COL4A2: variants seen among roughly 807,000 people sequenced by gnomAD.
COL4A2 encodes the protein collagen alpha-2(IV) chain.
A neutral mutation model predicts 200.2 loss-of-function variants in COL4A2; 99 were observed. That is an observed-to-expected ratio of 0.49 (90% CI 0.42 to 0.58). The LOEUF is 0.58. COL4A2 is among the 20% of genes least tolerant of loss of function. COL4A2 has a pLI of 0.00. For synonymous variants in COL4A2, 897 were observed against 900.6 expected, an observed-to-expected ratio of 1.00 and a Z score of 0.07; for missense variants, 1,950 against 2,314.1, an observed-to-expected ratio of 0.84 and a Z score of 3.23.
chr13:110,386,435 C>T (rs534652667), intron 4 of COL4A2, among the ~76,000 whole-genome samples: 2 of 152,144 alleles, frequency 1.3e-5, no homozygotes, highest in Non-Finnish European at 1.5e-5. Flanking sequence ...GATCACCAAC[C>T]CCACTCCAAT....
chr13:110,347,539 A>T (rs1387953129), intron 3 of COL4A2, among the ~76,000 whole-genome samples: 1 of 152,268 alleles, frequency 6.6e-6, no homozygotes, highest in South Asian at 2.1e-4. Context: ...AGCAGTTCCT[A>T]CCTGGGGCCC....
At chr13:110,462,237 G>A in intron 23 of COL4A2, 41 bp from the exon 24 acceptor site, 1 of 1,614,266 alleles carries the variant, frequency 6.2e-7, no homozygotes, top group Non-Finnish European at 8.5e-7. Flanking sequence ...CCTTCCTGTG[G>A]GCACCTGCCT....
At chr13:110,474,726 C>CGT in intron 29 of COL4A2, among the ~76,000 whole-genome samples, 1 of 140,862 alleles carries the variant, frequency 7.1e-6, no homozygotes, top group African/African-American at 2.7e-5. Context: ...ATCACACACG[C>CGT]ACGTACCCAC....
intron 3 of COL4A2, among the ~76,000 whole-genome samples, chr13:110,330,094 A>G (rs1463052453): frequency 6.6e-6 from 1 of 152,220 alleles, no homozygotes; most frequent in East Asian, 1.9e-4. Context: ...TTTTCTAATG[A>G]AATTAGACGG....
chr13:110,456,706 A>T, intron 20 of COL4A2: 1 of 467,134 alleles, frequency 2.1e-6, no homozygotes, highest in South Asian at 1.6e-5. Flanking sequence ...TGGGTGGGAC[A>T]CCAGGCGTCT....
chr13:110,329,848 C>A (rs141765488), intron 3 of COL4A2, among the ~76,000 whole-genome samples: 1 of 152,126 alleles, frequency 6.6e-6, no homozygotes, highest in Non-Finnish European at 1.5e-5. Context: ...GAGAGAAAAA[C>A]GCCCAGTGAT....
At chr13:110,430,753 C>A in intron 10 of COL4A2, 146 bp downstream of exon 10, 2 of 1,117,396 alleles carry the variant, frequency 1.8e-6, no homozygotes, top group Non-Finnish European at 1.4e-6. Context: ...CAAGACAAAA[C>A]GGACCATTCC....
intron 25 of COL4A2, 58 bp from the exon 26 acceptor site, chr13:110,465,945 C>T: frequency 6.3e-7 from 1 of 1,588,052 alleles, no homozygotes; most frequent in Non-Finnish European, 8.6e-7. Context: ...CCCAGACGAG[C>T]CAGTAACTCT....
At chr13:110,377,308 G>C (rs755833971) in intron 4 of COL4A2, among the ~76,000 whole-genome samples, 14 of 152,158 alleles carry the variant, frequency 9.2e-5, no homozygotes, top group African/African-American at 1.7e-4. Flanking sequence ...ATGCAGTATT[G>C]GTTGCATCTG....
At chr13:110,364,375 TGGCCC>T (rs1479056616) in intron 4 of COL4A2, among the ~76,000 whole-genome samples, 2 of 152,218 alleles carry the variant, frequency 1.3e-5, no homozygotes, top group Non-Finnish European at 2.9e-5. Context: ...AGCTCCAAAC[TGGCCC>T]ATTATCTATC....
chr13:110,335,674 A>G (rs1202796041), intron 3 of COL4A2, among the ~76,000 whole-genome samples: 1 of 152,078 alleles, frequency 6.6e-6, no homozygotes, highest in Non-Finnish European at 1.5e-5. Flanking sequence ...CCTGATGTCC[A>G]CTCTGGCTGA....
chr13:110,399,466 A>T (rs1408376809), intron 4 of COL4A2, among the ~76,000 whole-genome samples: 1 of 152,218 alleles, frequency 6.6e-6, no homozygotes, highest in Non-Finnish European at 1.5e-5. Flanking sequence ...GCTTTAAAGC[A>T]GCTCTTTGAG....
chr13:110,504,046 A>C, intron 44 of COL4A2, 53 bp downstream of exon 44: 1 of 1,554,454 alleles, frequency 6.4e-7, no homozygotes. Flanking sequence ...GGGCAAGGCC[A>C]GGGCCTGCTG....
rs181045544 is a variant in COL4A2 at position 110,392,705 on chromosome 13, A to G, written c.181-32029A>G. Among the ~76,000 whole-genome samples, 71 of 152,142 alleles carry G rather than the reference A, an allele frequency of 4.7e-4. 1 individual carries two copies. Among genetic ancestry groups the G allele is most frequent in the Non-Finnish European group, 4.4e-5 (3 of 68,016 alleles). ...GCTTTAAAATCCTCTCCCGACCCTT[A>G]TCTAACTGTGGTCAAGAATAATTGT... On this transcript the variant is annotated intron_variant, in intron 4 of 47. Coordinates refer to ENST00000360467, the MANE Select transcript of COL4A2 (RefSeq NM_001846.4).
chr13:110,366,939 C>T (rs1403734137), intron 4 of COL4A2, among the ~76,000 whole-genome samples: 4 of 152,182 alleles, frequency 2.6e-5, no homozygotes, highest in Admixed American at 2.0e-4. Flanking sequence ...ACCACTGAAG[C>T]GCTCAAGGTG....
At chr13:110,419,949 T>C (rs1880184344) in intron 4 of COL4A2, among the ~76,000 whole-genome samples, 1 of 152,208 alleles carries the variant, frequency 6.6e-6, no homozygotes, top group Non-Finnish European at 1.5e-5. Flanking sequence ...GTTTTTCTTA[T>C]TGAAAGTCAC....
chr13:110,489,690 C>T (rs769407531), intron 35 of COL4A2, 21 bp from the exon 36 acceptor site: 8 of 1,613,976 alleles, frequency 5.0e-6, no homozygotes, highest in South Asian at 2.2e-5. Context: ...TGTTCTTAGC[C>T]GTCTTTTTTG....
intron 4 of COL4A2, among the ~76,000 whole-genome samples, chr13:110,362,302 T>G (rs1252625912): frequency 6.6e-6 from 1 of 152,226 alleles, no homozygotes; most frequent in Non-Finnish European, 1.5e-5. Flanking sequence ...TAAGTTCGAT[T>G]CATTGATACT....
chr13:110,307,849 G>C lies in COL4A2; in HGVS notation c.-44-11G>C. 6.4e-7 allele frequency: 1 copy of C among 1,568,996 alleles called. No individual in the cohort carries two copies. Among genetic ancestry groups the C allele is most frequent in the Non-Finnish European group, 8.7e-7 (1 of 1,155,442 alleles). ...ATCCTGCGCTAAACTCGCTTTGTCT[G>C]TCGCCTCTAGGCTAAGTGGGACTGA... On this transcript the variant is annotated splice_polypyrimidine_tract_variant and intron_variant, in intron 1 of 47. Coordinates refer to ENST00000360467, the MANE Select transcript of COL4A2 (RefSeq NM_001846.4). The surrounding 1 kb of genome is among the most constrained non-coding windows in gnomAD (Gnocchi z 5.0).
Sources: allele counts gnomAD v4.1 joint callset (sites outside exome capture counted in the v4.1 genomes callset), GRCh38; gene constraint gnomAD v4.1.1; non-coding constraint Gnocchi (gnomAD v3.1); transcripts MANE v1.5; gene names NCBI Gene and HGNC (gene_info 2026-07-23, HGNC 2026-07-21).